MYO3A: variants seen among roughly 807,000 people sequenced by gnomAD.
MYO3A encodes myosin IIIA, also known as myosin-IIIa.
A neutral mutation model predicts 192.7 loss-of-function variants in MYO3A; 180 were observed. The observed-to-expected ratio is 0.93, with a 90% CI of 0.83 to 1.06. MYO3A has a LOEUF of 1.06. Ranked by LOEUF, MYO3A falls within the 50% of genes least tolerant of loss-of-function variation. The pLI, the probability that MYO3A is intolerant of heterozygous loss-of-function variation, is 0.00. For missense variants in MYO3A, 1,896 were observed against 1,905.0 expected, an observed-to-expected ratio of 1.00 and a Z score of 0.09; for synonymous variants, 628 against 645.3, an observed-to-expected ratio of 0.97 and a Z score of 0.41.
intron 10 of MYO3A, among the ~76,000 whole-genome samples, chr10:26,054,424 A>G (rs912305690): frequency 6.6e-6 from 1 of 152,218 alleles, no homozygotes; most frequent in African/African-American, 2.4e-5. Context: ...CTGTTTTTAC[A>G]TACGGTCCAG....
At chr10:26,051,919 T>A (rs945750764) in intron 10 of MYO3A, among the ~76,000 whole-genome samples, 3 of 152,250 alleles carry the variant, frequency 2.0e-5, no homozygotes, top group Admixed American at 2.0e-4. Flanking sequence ...ATCCTTTACA[T>A]AAAATGTGCC....
chr10:26,138,460 A>G (rs1308814661), intron 20 of MYO3A, among the ~76,000 whole-genome samples: 2 of 152,250 alleles, frequency 1.3e-5, no homozygotes, highest in African/African-American at 4.8e-5. Flanking sequence ...GTTAAAAGTC[A>G]AATTCTAAGG....
chr10:26,069,853 G>A (rs937812472), intron 12 of MYO3A, among the ~76,000 whole-genome samples: 4 of 152,160 alleles, frequency 2.6e-5, no homozygotes, highest in African/African-American at 7.2e-5. Context: ...TGCTTTGGAA[G>A]TGGAATGCAG....
chr10:25,951,956 T>G (rs1430975310), intron 2 of MYO3A, 138 bp from the exon 3 acceptor site: 1 of 633,898 alleles, frequency 1.6e-6, no homozygotes, highest in East Asian at 2.9e-5. Context: ...AAATTTCCTG[T>G]GACTCTGAAA....
rs145688825 is a variant in MYO3A, at chr10:26,154,822, G to A, written c.2792G>A (p.Arg931Lys). The change falls in exon 25 of 35, where the codon AGA becomes AAA. Residue 931 changes from arginine to lysine, a missense_variant and splice_region_variant. Physicochemically the swap from Arg to Lys is conservative, Grantham distance 26. Transcript: ENST00000642920. Reference sequence around the variant, plus strand: ...ACACAAACGGTTGCATCATATTTTAGAGTAAGATATTAAACTATGATGTAT... The same window carrying A: ...ACACAAACGGTTGCATCATATTTTAAAGTAAGATATTAAACTATGATGTAT... The part of the protein sequence containing the change: ...MKTQTVASYF[R>K]YSLMDLLSKM... 1.9e-6 allele frequency: 3 copies of A among 1,609,748 alleles called. No individual in the cohort carries two copies. The African/African-American group carries it at 4.0e-5, about 22-fold the overall frequency.
intron 8 of MYO3A, chr10:26,023,015 C>T (rs1488652233): frequency 1.3e-5 from 2 of 152,112 alleles, no homozygotes; most frequent in Non-Finnish European, 2.9e-5. Flanking sequence ...CTTTGTTATT[C>T]AAAGCAAGCC....
intron 10 of MYO3A, among the ~76,000 whole-genome samples, chr10:26,052,102 T>C (rs1844038743): frequency 6.6e-6 from 1 of 152,258 alleles, no homozygotes; most frequent in East Asian, 1.9e-4. Flanking sequence ...TATGCTTTAG[T>C]GTCCACCTAG....
At chr10:26,104,726 A>AT (rs2131606673) in intron 17 of MYO3A, among the ~76,000 whole-genome samples, 1 of 151,916 alleles carries the variant, frequency 6.6e-6, no homozygotes, top group Admixed American at 6.6e-5. Flanking sequence ...CTTTAAAAAA[A>AT]TTTTTTTGTT....
chr10:26,150,823 TTTG>T (rs1307087628), intron 23 of MYO3A, among the ~76,000 whole-genome samples: 3 of 152,176 alleles, frequency 2.0e-5, no homozygotes, highest in Non-Finnish European at 4.4e-5. Context: ...CTCGTTTATC[TTTG>T]TTGTTTTCTT....
intron 4 of MYO3A, among the ~76,000 whole-genome samples, chr10:25,988,521 G>C (rs556144654): frequency 9.8e-5 from 15 of 152,306 alleles, no homozygotes; most frequent in African/African-American, 3.6e-4. Context: ...GTGGGAAACA[G>C]TCTGGCTGAT....
At chr10:26,060,299 A>AAATT (rs1834379341) in intron 10 of MYO3A, among the ~76,000 whole-genome samples, 1 of 66,418 alleles carries the variant, frequency 1.5e-5, no homozygotes, top group Non-Finnish European at 4.2e-5. Flanking sequence ...ATAAATAAAT[A>AAATT]AATTTAAAAA....
intron 20 of MYO3A, among the ~76,000 whole-genome samples, chr10:26,130,813 C>G (rs556629040): frequency 6.6e-6 from 1 of 152,236 alleles, no homozygotes; most frequent in East Asian, 1.9e-4. Flanking sequence ...TTTCTAACTC[C>G]CAGGTGAATG....
chr10:26,081,143 C>A (rs983829163), intron 14 of MYO3A, among the ~76,000 whole-genome samples: 6 of 90,364 alleles, frequency 6.6e-5, no homozygotes, highest in African/African-American at 1.1e-4. Context: ...TCCCCCCCCC[C>A]CCGCCCCCGC....
chr10:26,087,247 C>T (rs553331238), intron 14 of MYO3A, among the ~76,000 whole-genome samples: 20 of 152,302 alleles, frequency 1.3e-4, no homozygotes, highest in Admixed American at 1.2e-3. Context: ...TTACTACACT[C>T]TTCTTCCACA....
chr10:26,192,168 G>T (rs569252841), intron 31 of MYO3A, among the ~76,000 whole-genome samples: 143 of 152,328 alleles, frequency 9.4e-4, no homozygotes, highest in African/African-American at 3.3e-3. Flanking sequence ...ACATCCAAGT[G>T]TACAGATCAC....
chr10:26,188,379 A>G (rs1842964486), intron 31 of MYO3A, among the ~76,000 whole-genome samples: 1 of 152,056 alleles, frequency 6.6e-6, no homozygotes, highest in Non-Finnish European at 1.5e-5. Flanking sequence ...TTCACTGTAG[A>G]TTCTAGATAT....
intron 34 of MYO3A, 42 bp downstream of exon 34, chr10:26,203,149 A>G (rs779915337): frequency 6.3e-7 from 1 of 1,589,606 alleles, no homozygotes; most frequent in South Asian, 1.1e-5. Flanking sequence ...GCAGTTTTAT[A>G]CTCACAATTT....
At chr10:26,081,262 G>A (rs1835941192) in intron 14 of MYO3A, among the ~76,000 whole-genome samples, 1 of 151,764 alleles carries the variant, frequency 6.6e-6, no homozygotes, top group Non-Finnish European at 1.5e-5. Flanking sequence ...GGATGGGGGT[G>A]AGATTCCCAG....
intron 18 of MYO3A, among the ~76,000 whole-genome samples, chr10:26,121,900 C>T (rs1473588229): frequency 6.6e-6 from 1 of 152,184 alleles, no homozygotes; most frequent in Non-Finnish European, 1.5e-5. Flanking sequence ...CCCCAGCATC[C>T]CTATAAATGC....
Sources: allele counts gnomAD v4.1 joint callset (sites outside exome capture counted in the v4.1 genomes callset), GRCh38; gene constraint gnomAD v4.1.1; transcripts MANE v1.5; gene names NCBI Gene and HGNC (gene_info 2026-07-23, HGNC 2026-07-21).